The following FMNL3 variants were observed in gnomAD, a reference collection of about 807,000 sequenced individuals.
The protein encoded by FMNL3 is formin like 3.
In FMNL3, 57 loss-of-function variants were observed where a neutral mutation model predicts 119.6. The observed-to-expected ratio is 0.48, with a 90% CI of 0.39 to 0.59. The LOEUF is 0.59. Among genes scored for constraint, FMNL3 ranks in the 20% least tolerant of loss-of-function variants. The pLI is 0.00. For synonymous variants in FMNL3, 491 were observed against 507.3 expected, an observed-to-expected ratio of 0.97 and a Z score of 0.43; for missense variants, 1,053 against 1,323.5, an observed-to-expected ratio of 0.80 and a Z score of 3.17.
At chr12:49,693,080 T>C (rs931390520) in intron 1 of FMNL3, among the ~76,000 whole-genome samples, 1 of 152,148 alleles carries the variant, frequency 6.6e-6, no homozygotes, top group African/African-American at 2.4e-5. Context: ...ATCTTAAGGG[T>C]CCATTGTCAG....
intron 1 of FMNL3, among the ~76,000 whole-genome samples, chr12:49,685,141 C>A (rs551728111): frequency 6.6e-6 from 1 of 152,224 alleles, no homozygotes; most frequent in Non-Finnish European, 1.5e-5. Context: ...CAGGTCTCAA[C>A]CTCAGCTGGT....
rs1428845472 is a variant in FMNL3, at chr12:49,639,928, G to A, written c.*5887C>T. 6.6e-6 allele frequency: 1 copy of A among 152,200 alleles called. No homozygotes were observed. The highest frequency in any genetic ancestry group is 1.5e-5 in the Non-Finnish European group (1 of 68,030). 9.4% of individuals were successfully genotyped at this position (152,200 alleles called of 1,614,324 possible). On this transcript the variant is annotated 3_prime_UTR_variant, in exon 26 of 26. Transcript: ENST00000335154. ...TATAAAGTAGAAATGCCTTATCCTGGGATAGCTAAATTTTATTGGACAATT... is the reference window on the plus strand; with the variant it reads ...TATAAAGTAGAAATGCCTTATCCTGAGATAGCTAAATTTTATTGGACAATT...
chr12:49,647,018 A>C lies in FMNL3; in HGVS notation c.2872-9T>G. 1 of 1,591,686 alleles carries C rather than the reference A, an allele frequency of 6.3e-7. No homozygotes were observed. Among genetic ancestry groups the C allele is most frequent in the Non-Finnish European group, 8.5e-7 (1 of 1,177,520 alleles). ...TTCCGCTGGGATGGGGTCTAGGGCC[A>C]AGAATGTGGAGGGGAAGGAAGTCAT... On this transcript the variant is annotated splice_polypyrimidine_tract_variant and intron_variant, in intron 24 of 25. Transcript: ENST00000335154. This position sits in a 1 kb window ranked among gnomAD's most constrained non-coding sequence, Gnocchi z 4.9.
intron 4 of FMNL3, 45 bp from the exon 5 acceptor site, chr12:49,662,094 G>A: frequency 6.3e-7 from 1 of 1,589,684 alleles, no homozygotes; most frequent in Non-Finnish European, 8.6e-7. Flanking sequence ...CTAAAAGTGG[G>A]TCAAGGATGA....
At chr12:49,703,783 T>C (rs978915371) in intron 1 of FMNL3, among the ~76,000 whole-genome samples, 2 of 152,174 alleles carry the variant, frequency 1.3e-5, no homozygotes, top group African/African-American at 4.8e-5. Flanking sequence ...ACAGATCATG[T>C]GTCTAGAACA....
chr12:49,666,686 G>C (rs889323985), intron 2 of FMNL3, among the ~76,000 whole-genome samples: 16 of 152,008 alleles, frequency 1.1e-4, no homozygotes, highest in African/African-American at 3.6e-4. Context: ...TGTAGCCCTG[G>C]CTACTTAGGC....
Position 49,649,251 on chromosome 12 carries a change from C to A in FMNL3, c.2385+8G>T. 6.2e-7 allele frequency: 1 copy of A among 1,614,180 alleles called. No homozygotes were observed. The highest frequency in any genetic ancestry group is 1.7e-4 in the Middle Eastern group (1 of 6,060). ...GCTTCCTGGCCCACGCTGCCCTCAC[C>A]ATCTTACCAGATCCAGGCTCTGGAG... On this transcript the variant is annotated splice_region_variant and intron_variant, in intron 20 of 25. Coordinates refer to ENST00000335154, the MANE Select transcript of FMNL3 (RefSeq NM_175736.5). This position sits in a 1 kb window ranked among gnomAD's most constrained non-coding sequence, Gnocchi z 5.6.
rs755576038 is a variant in FMNL3, at chr12:49,643,315, C to G, written c.*2500G>C. Reference sequence around the variant, plus strand: ...ACCCCTCAGAGTCAGGCTCTGAGCCCTCTTCCTCACTTGATTCAGTTGAAA... The same window carrying G: ...ACCCCTCAGAGTCAGGCTCTGAGCCGTCTTCCTCACTTGATTCAGTTGAAA... On this transcript the variant is annotated 3_prime_UTR_variant, in exon 26 of 26. Transcript: ENST00000335154. 6 of 1,610,090 alleles carry G rather than the reference C, an allele frequency of 3.7e-6. No homozygotes were observed. The highest frequency in any genetic ancestry group is 4.2e-6 in the Non-Finnish European group (5 of 1,178,418).
At chr12:49,663,430 A>G (rs1223030959) in intron 4 of FMNL3, among the ~76,000 whole-genome samples, 5 of 152,178 alleles carry the variant, frequency 3.3e-5, no homozygotes, top group Admixed American at 3.3e-4. Context: ...TCAGGCTGTG[A>G]CCAAAGCAGG....
intron 1 of FMNL3, among the ~76,000 whole-genome samples, chr12:49,703,559 G>A (rs1592704656): frequency 6.6e-6 from 1 of 152,086 alleles, no homozygotes; most frequent in Admixed American, 6.5e-5. Context: ...CAGTACATGG[G>A]GTAGAAGCTG....
Position 49,666,198 on chromosome 12 carries a change from G to A in FMNL3, c.220C>T (p.Gln74Ter). ...WDLICDQERFQVKNPPHTYIQ... is the reference protein window; with the variant it reads ...WDLICDQERF Reference sequence around the variant, plus strand: ...TAAGTGTGGGGAGGATTCTTCACCTGGAATCGTTCCTGTAAGGGAAACATG... The same window carrying A: ...TAAGTGTGGGGAGGATTCTTCACCTAGAATCGTTCCTGTAAGGGAAACATG... Residue 74 changes from glutamine to a stop codon, truncating the protein, a stop_gained, in exon 3 of 26, where the codon CAG becomes TAG. Coordinates refer to ENST00000335154, the MANE Select transcript of FMNL3 (RefSeq NM_175736.5). LOFTEE classifies it high-confidence loss of function. The A allele has an allele frequency of 6.2e-7, 1 of 1,613,712 alleles. No homozygotes were observed. The highest frequency in any genetic ancestry group is 8.5e-7 in the Non-Finnish European group (1 of 1,179,832).
chr12:49,703,166 A>C (rs1293593185), intron 1 of FMNL3, among the ~76,000 whole-genome samples: 1 of 152,186 alleles, frequency 6.6e-6, no homozygotes, highest in South Asian at 2.1e-4. Flanking sequence ...GTCTGTAGTA[A>C]ATCAACAAAG....
In FMNL3 at chr12:49,647,494, G is replaced by A; in HGVS notation, c.2779-126C>T. Reference sequence around the variant, plus strand: ...ACTCCAGGTGGCCACCCTCTGGAGGGGCACTTCCTGCCCCAAACAATGACA... The same window carrying A: ...ACTCCAGGTGGCCACCCTCTGGAGGAGCACTTCCTGCCCCAAACAATGACA... On this transcript the variant is annotated intron_variant, in intron 23 of 25. Transcript: ENST00000335154. The surrounding 1 kb of genome is among the most constrained non-coding windows in gnomAD (Gnocchi z 4.9). 9.1e-7 allele frequency: 1 copy of A among 1,093,308 alleles called. No homozygotes were observed. The highest frequency in any genetic ancestry group is 1.4e-6 in the Non-Finnish European group (1 of 731,962). The allele number at this position is 1,093,308 out of a possible 1,614,324, so 67.7% of individuals were successfully genotyped here.
rs754143839 is a variant in FMNL3 at position 49,649,710 on chromosome 12, T to G, written c.2216A>C (p.Asn739Thr). 3 of 1,613,982 alleles carry G rather than the reference T, an allele frequency of 1.9e-6. No individual in the cohort carries two copies. The highest frequency in any genetic ancestry group is 2.5e-6 in the Non-Finnish European group (3 of 1,180,036). Residue 739 changes from asparagine to threonine, a missense_variant, in exon 18 of 26, where the codon AAC (asparagine) becomes ACC (threonine). Asn to Thr is a moderately conservative substitution (Grantham distance 65, BLOSUM62 0). This residue lies in a region of FMNL3 where 324 missense variants were observed against 380.9 expected (regional missense o/e 0.85). Coordinates refer to ENST00000335154, the MANE Select transcript of FMNL3 (RefSeq NM_175736.5). The surrounding 1 kb of genome is among the most constrained non-coding windows in gnomAD (Gnocchi z 5.6). ...GMAFLGNFQD[N>T]LQMLTPQLNA... ...CTGTACCGGTGTGAGCATCTGCAGG[T>G]TATCCTGGAAGTTCCCCAGGAAGGC...
At chr12:49,690,157 CTTGCT>C (rs947288546) in intron 1 of FMNL3, among the ~76,000 whole-genome samples, 20 of 152,220 alleles carry the variant, frequency 1.3e-4, no homozygotes, top group African/African-American at 4.8e-4. Flanking sequence ...AGGACATGCA[CTTGCT>C]TTAATTCTCT....
chr12:49,687,131 G>A (rs1417688174), intron 1 of FMNL3, among the ~76,000 whole-genome samples: 1 of 133,546 alleles, frequency 7.5e-6, no homozygotes, highest in African/African-American at 2.9e-5. Flanking sequence ...GTCTCATTCT[G>A]TCTCCAGGCT....
chr12:49,691,301 C>T (rs977434282), intron 1 of FMNL3, among the ~76,000 whole-genome samples: 2 of 151,858 alleles, frequency 1.3e-5, no homozygotes, highest in Admixed American at 1.3e-4. Context: ...ATTAGCTATC[C>T]TTATTCCTAG....
intron 1 of FMNL3, among the ~76,000 whole-genome samples, chr12:49,692,034 CAA>C (rs773991970): frequency 1.3e-4 from 3 of 23,118 alleles, no homozygotes; most frequent in African/African-American, 2.2e-4. Context: ...GACTCCATCT[CAA>C]AAAAAAAAAA....
intron 1 of FMNL3, among the ~76,000 whole-genome samples, chr12:49,686,878 C>G (rs1224643244): frequency 6.6e-6 from 1 of 152,190 alleles, no homozygotes; most frequent in Non-Finnish European, 1.5e-5. Flanking sequence ...CAGGCTCTGA[C>G]TGGGGCCCAC....
Sources: gnomAD v4.1 joint callset for allele counts (sites outside exome capture counted in the v4.1 genomes callset) on GRCh38, gnomAD v4.1.1 for gene constraint, gnomAD v4.1.1 regional missense constraint, Gnocchi (gnomAD v3.1) non-coding constraint, MANE v1.5 for transcripts, NCBI Gene and HGNC (gene_info 2026-07-23, HGNC 2026-07-21) for gene names.